The following WDR41 variants were observed in gnomAD, a reference collection of about 807,000 sequenced individuals.
WDR41 encodes WD repeat-containing protein 41.
A neutral mutation model predicts 69.3 loss-of-function variants in WDR41; 63 were observed. That is an observed-to-expected ratio of 0.91 (90% CI 0.74 to 1.12). The LOEUF is 1.12. Among genes scored for constraint, WDR41 ranks in the 50% most tolerant of loss-of-function variants. The pLI, the probability that WDR41 is intolerant of heterozygous loss-of-function variation, is 0.00. For missense variants in WDR41, 543 were observed against 534.5 expected, an observed-to-expected ratio of 1.02 and a Z score of -0.16; for synonymous variants, 185 against 192.1, an observed-to-expected ratio of 0.96 and a Z score of 0.31.
intron 1 of WDR41, among the ~76,000 whole-genome samples, chr5:77,606,255 C>A (rs538047056): frequency 6.6e-6 from 1 of 152,062 alleles, no homozygotes; most frequent in African/African-American, 2.4e-5. Context: ...ATTCATTTAA[C>A]GCATGGAGCC....
At position 77,438,267 on chromosome 5, in the gene WDR41, A is replaced by T; in HGVS notation, c.977T>A (p.Val326Asp). Residue 326 changes from valine (V) to aspartate (D), a missense_variant, in exon 10 of 13, where the codon GTC becomes GAC. Transcript: ENST00000296679. Reference sequence around the variant, plus strand: ...GTTTGGAAGTCTGGCAACGTGCAGGACATTGGAGTCATGTGCAGTTTTCTG... The same window carrying T: ...GTTTGGAAGTCTGGCAACGTGCAGGTCATTGGAGTCATGTGCAGTTTTCTG... ...ACQKTAHDSNVLHVARLPNRQ... is the reference protein window; with the variant it reads ...ACQKTAHDSNDLHVARLPNRQ... The T allele has an allele frequency of 1.2e-6, 2 of 1,614,080 alleles. No individual in the cohort carries two copies. The highest frequency in any genetic ancestry group is 1.7e-6 in the Non-Finnish European group (2 of 1,179,916).
chr5:77,568,864 C>T (rs77398643), intron 1 of WDR41, among the ~76,000 whole-genome samples: 105 of 152,248 alleles, frequency 6.9e-4, no homozygotes, highest in African/African-American at 2.3e-3. Flanking sequence ...GTCTGTGCTA[C>T]GTGTGCCGGA....
At chr5:77,484,585 T>G (rs1801427661) in intron 2 of WDR41, among the ~76,000 whole-genome samples, 1 of 152,208 alleles carries the variant, frequency 6.6e-6, no homozygotes, top group Non-Finnish European at 1.5e-5. Flanking sequence ...TACCCTTTTT[T>G]CCAGGCATAA....
Position 77,534,920 on chromosome 5 carries a change from T to C in WDR41, c.43-45348A>G, listed in dbSNP as rs547432450. 2.0e-5 allele frequency among the ~76,000 whole-genome samples: 3 copies of C among 152,348 alleles called. No homozygotes were observed. In the South Asian group the frequency reaches 6.2e-4, roughly 32 times the overall value. On this transcript the variant is annotated intron_variant, in intron 1 of 5. Coordinates refer to the WDR41 transcript ENST00000509971. ...CAAAGGGATGTTTTGACTGTGTTTA[T>C]AAAATGTGTACAAATTAAGACTCAA...
In WDR41 at chr5:77,614,555, CA is replaced by C. The variant is rs1427337965; in HGVS notation, c.42+5923del. Among the ~76,000 whole-genome samples the C allele has an allele frequency of 2.7e-5, 4 of 147,082 alleles. No individual in the cohort carries two copies. The East Asian group carries it at 8.0e-4, about 29-fold the overall frequency. On this transcript the variant is annotated intron_variant, in intron 1 of 5. Coordinates refer to the WDR41 transcript ENST00000509971. ...GTAAACTATCGCAAGGACGAAAAAC[CA>C]AACACCGCATGTTCTCACTCATAGG...
intron 1 of WDR41, among the ~76,000 whole-genome samples, chr5:77,594,565 T>G (rs940072518): frequency 8.5e-5 from 13 of 152,172 alleles, no homozygotes; most frequent in African/African-American, 3.1e-4. Context: ...AATAACATGC[T>G]TGGGCAGCAA....
At position 77,432,985 on chromosome 5, in the gene WDR41, G is replaced by A. The variant is rs1798784316; in HGVS notation, c.*150C>T. 2.7e-6 allele frequency: 2 copies of A among 752,200 alleles called. No individual in the cohort carries two copies. The highest frequency in any genetic ancestry group is 4.1e-6 in the Non-Finnish European group (2 of 482,538). The allele number at this position is 752,200 out of a possible 1,614,324, so 46.6% of individuals were successfully genotyped here. A position where few individuals can be genotyped will look rare whatever the true frequency, so the allele number is the denominator to read the frequency against. Reference sequence around the variant, plus strand: ...CCTGAGAAGCAACATGTTCCTGGTTGGTAGGTCCACAAAAAATTTAAACAT... The same window carrying A: ...CCTGAGAAGCAACATGTTCCTGGTTAGTAGGTCCACAAAAAATTTAAACAT... On this transcript the variant is annotated 3_prime_UTR_variant, in exon 13 of 13. Transcript: ENST00000296679.
chr5:77,599,577 A>G (rs1744288492), intron 1 of WDR41, among the ~76,000 whole-genome samples: 4 of 152,184 alleles, frequency 2.6e-5, no homozygotes, highest in Admixed American at 2.6e-4. Context: ...GATTTTCCAA[A>G]TGAGATTATT....
chr5:77,554,653 T>G (rs1055008912), intron 1 of WDR41, among the ~76,000 whole-genome samples: 12 of 150,494 alleles, frequency 8.0e-5, no homozygotes, highest in African/African-American at 2.9e-4. Context: ...AATTTATAAC[T>G]TATTTAGTAT....
At chr5:77,590,941 G>T (rs1275784418) in intron 1 of WDR41, among the ~76,000 whole-genome samples, 1 of 152,060 alleles carries the variant, frequency 6.6e-6, no homozygotes, top group African/African-American at 2.4e-5. Context: ...GTAAGACTTG[G>T]ATTACCTAAT....
intron 1 of WDR41, among the ~76,000 whole-genome samples, chr5:77,522,460 T>C (rs1802385341): frequency 6.6e-6 from 1 of 152,052 alleles, no homozygotes; most frequent in South Asian, 2.1e-4. Flanking sequence ...GCCAACACGA[T>C]GAAATCTCAT....
At chr5:77,454,185 G>A (rs1045001622) in intron 5 of WDR41, among the ~76,000 whole-genome samples, 2 of 152,092 alleles carry the variant, frequency 1.3e-5, no homozygotes, top group Admixed American at 1.3e-4. Context: ...TGGATCACGT[G>A]CTCTAAGGTG....
chr5:77,444,972 C>T (rs558400048), intron 8 of WDR41, among the ~76,000 whole-genome samples: 4 of 152,056 alleles, frequency 2.6e-5, no homozygotes, highest in Non-Finnish European at 4.4e-5. Flanking sequence ...ACAAGAAAAA[C>T]TCTCCAAAAA....
intron 8 of WDR41, among the ~76,000 whole-genome samples, chr5:77,449,000 C>G (rs2151302094): frequency 6.6e-6 from 1 of 152,292 alleles, no homozygotes; most frequent in East Asian, 1.9e-4. Context: ...CAGGATCGTC[C>G]TGCAGGCTCC....
chr5:77,575,016 T>C (rs1270694530), intron 1 of WDR41, among the ~76,000 whole-genome samples: 1 of 152,112 alleles, frequency 6.6e-6, no homozygotes, highest in Non-Finnish European at 1.5e-5. Context: ...AAAGCCTCTA[T>C]CCATGGGAGA....
chr5:77,469,226 A>G (rs1232978789), intron 2 of WDR41, among the ~76,000 whole-genome samples: 1 of 151,734 alleles, frequency 6.6e-6, no homozygotes, highest in African/African-American at 2.4e-5. Context: ...GGAACATCAC[A>G]CACCAGGGCC....
At chr5:77,477,097 AG>A (rs905446143) in intron 2 of WDR41, among the ~76,000 whole-genome samples, 2 of 148,652 alleles carry the variant, frequency 1.3e-5, no homozygotes, top group African/African-American at 5.2e-5. Flanking sequence ...ATCATGGTAA[AG>A]GGATCAATTC....
intron 1 of WDR41, among the ~76,000 whole-genome samples, chr5:77,589,530 T>C (rs560322080): frequency 8.5e-5 from 13 of 152,270 alleles, no homozygotes; most frequent in African/African-American, 3.1e-4. Context: ...GTCTTCCCAT[T>C]TATTTATGTC....
chr5:77,521,902 G>C, intron 1 of WDR41, among the ~76,000 whole-genome samples: 1 of 152,226 alleles, frequency 6.6e-6, no homozygotes, highest in East Asian at 1.9e-4. Context: ...TTTCTGTTAA[G>C]ATGCTGTGAG....
Sources: allele counts gnomAD v4.1 joint callset (sites outside exome capture counted in the v4.1 genomes callset), GRCh38; gene constraint gnomAD v4.1.1; transcripts MANE v1.5; gene names NCBI Gene and HGNC (gene_info 2026-07-23, HGNC 2026-07-21).